ZNF225: variants seen among roughly 807,000 people sequenced by gnomAD.
ZNF225 encodes zinc finger protein 225.
Under a neutral mutation model 12.0 loss-of-function variants are expected in ZNF225, and 6 were observed. The observed-to-expected ratio is 0.50, with a 90% CI of 0.27 to 0.98. The LOEUF is 0.98. ZNF225 is among the 50% of genes least tolerant of loss of function. The probability of loss-of-function intolerance (pLI) is 0.11; values close to 1 mark genes in which losing one functional copy is unlikely to be tolerated. For synonymous variants in ZNF225, 271 were observed against 283.2 expected (o/e 0.96, Z 0.43); for missense variants, 763 against 848.2 (o/e 0.90, Z 1.25).
At position 44,132,921 on chromosome 19, in the gene ZNF225, A is replaced by T. The variant is rs184415770; in HGVS notation, c.*186A>T. The T allele has an allele frequency of 1.8e-3, 978 of 547,750 alleles. 3 individuals carry two copies. The highest frequency in any genetic ancestry group is 2.3e-3 in the Non-Finnish European group (756 of 327,956). The allele number at this position is 547,750 out of a possible 1,614,324, so 33.9% of individuals were successfully genotyped here. On this transcript the variant is annotated 3_prime_UTR_variant, in exon 5 of 5. Transcript: ENST00000262894. ...ACGTTGTTAATTACTGTCACCCTGT[A>T]GTGGTGTAAAACACTAGAACTTATT...
chr19:44,114,654 G>A (rs933755829), intron 1 of ZNF225, among the ~76,000 whole-genome samples: 10 of 152,142 alleles, frequency 6.6e-5, no homozygotes, highest in African/African-American at 2.4e-4. Flanking sequence ...GGGATTACAG[G>A]TGCCTGCCAC....
chr19:44,118,169 C>A lies in ZNF225; in HGVS notation c.16-19C>A. 6.2e-7 allele frequency: 1 copy of A among 1,604,942 alleles called. No individual in the cohort carries two copies. The highest frequency in any genetic ancestry group is 8.5e-7 in the Non-Finnish European group (1 of 1,175,834). On this transcript the variant is annotated intron_variant, in intron 2 of 4. Transcript: ENST00000262894. ...GTCATTGGTCATGAGACTGAGGTTG[C>A]ATATGTTCGATGCTGTAGGAGGCAG...
At chr19:44,113,782 TCTC>T (rs1213984624) in intron 1 of ZNF225, among the ~76,000 whole-genome samples, 3 of 152,090 alleles carry the variant, frequency 2.0e-5, no homozygotes, top group Admixed American at 2.0e-4. Flanking sequence ...TGTTACTTAA[TCTC>T]CTTGGGTCTC....
At chr19:44,127,548 T>G (rs1968173542) in intron 4 of ZNF225, among the ~76,000 whole-genome samples, 1 of 152,248 alleles carries the variant, frequency 6.6e-6, no homozygotes, top group Non-Finnish European at 1.5e-5. Flanking sequence ...AATCTAGTCC[T>G]GCCTTCCGTC....
chr19:44,118,613 T>C (rs1348865307), intron 4 of ZNF225, 39 bp downstream of exon 4: 1 of 1,581,296 alleles, frequency 6.3e-7, no homozygotes, highest in Non-Finnish European at 8.7e-7. Flanking sequence ...TGCGTGACTC[T>C]CCCATCGGTT....
chr19:44,131,041 G>A lies in ZNF225; in HGVS notation c.427G>A (p.Val143Ile), dbSNP rs768705484. ...TGATGCAGGACTATCTATAATTCAC[G>A]TAAGACAGAAACCTTCTGAGGGTAG... ...QVDAGLSIIH[V>I]RQKPSEGRTC... The change falls in exon 5 of 5, where the codon GTA becomes ATA. Residue 143 changes from valine (V) to isoleucine (I), a missense_variant. Val to Ile is a conservative substitution (Grantham distance 29). Coordinates refer to ENST00000262894, the MANE Select transcript of ZNF225 (RefSeq NM_013362.4). 56 of 1,613,926 alleles carry A rather than the reference G, an allele frequency of 3.5e-5. No homozygotes were observed. The highest frequency in any genetic ancestry group is 4.5e-5 in the East Asian group (2 of 44,884).
At position 44,113,555 on chromosome 19, in the gene ZNF225, C is replaced by T. The variant is rs1051057687; in HGVS notation, c.-83C>T. 6.6e-6 allele frequency: 1 copy of T among 152,178 alleles called. No individual in the cohort carries two copies. The highest frequency in any genetic ancestry group is 1.5e-5 in the Non-Finnish European group (1 of 68,074). 9.4% of individuals were successfully genotyped at this position (152,178 alleles called of 1,614,324 possible). A position where few individuals can be genotyped will look rare whatever the true frequency, so the allele number is the denominator to read the frequency against. On this transcript the variant is annotated 5_prime_UTR_variant, in exon 1 of 5. Coordinates refer to ENST00000262894, the MANE Select transcript of ZNF225 (RefSeq NM_013362.4). Reference sequence around the variant, plus strand: ...GATCGAATTAGGGGAAAAGAAACCTCGTCGGAGAGCAGAGGTTTGGCGGAG... The same window carrying T: ...GATCGAATTAGGGGAAAAGAAACCTTGTCGGAGAGCAGAGGTTTGGCGGAG...
chr19:44,114,055 G>GT, intron 1 of ZNF225: 2 of 392,090 alleles, frequency 5.1e-6, no homozygotes, highest in Admixed American at 8.1e-5. Context: ...TTAGGAAGGC[G>GT]AGGGTTGCAT....
At chr19:44,114,914 G>T (rs1256393110) in intron 1 of ZNF225, among the ~76,000 whole-genome samples, 1 of 152,060 alleles carries the variant, frequency 6.6e-6, no homozygotes, top group Non-Finnish European at 1.5e-5. Context: ...ATGTTTGTCA[G>T]ATTTCCGCAT....
intron 4 of ZNF225, among the ~76,000 whole-genome samples, chr19:44,124,552 A>C (rs932769563): frequency 1.3e-5 from 2 of 151,976 alleles, no homozygotes; most frequent in African/African-American, 4.8e-5. Context: ...ACATAGTTTA[A>C]ATTCTTTGTT....
upstream of ZNF225, among the ~76,000 whole-genome samples, chr19:44,111,518 T>C (rs887802463): frequency 6.6e-6 from 1 of 152,230 alleles, no homozygotes; most frequent in Non-Finnish European, 1.5e-5. Context: ...GTAGCAACAC[T>C]GTTCACTACA....
At chr19:44,116,759 TATG>T (rs1262702545) in intron 2 of ZNF225, among the ~76,000 whole-genome samples, 1 of 152,194 alleles carries the variant, frequency 6.6e-6, no homozygotes, top group Non-Finnish European at 1.5e-5. Flanking sequence ...TTCTTCCTAA[TATG>T]ATTACAAAAA....
intron 4 of ZNF225, among the ~76,000 whole-genome samples, chr19:44,127,511 C>G (rs529387517): frequency 6.6e-6 from 1 of 152,116 alleles, no homozygotes; most frequent in Non-Finnish European, 1.5e-5. Flanking sequence ...CTCTGTATGC[C>G]GCACTGTCCG....
At position 44,132,458 on chromosome 19, in the gene ZNF225, AGAGG is replaced by A; in HGVS notation, c.1846_1849del (p.Arg616PhefsTer24). 6.2e-7 allele frequency: 1 copy of A among 1,614,192 alleles called. No individual in the cohort carries two copies. Among genetic ancestry groups the A allele is most frequent in the Non-Finnish European group, 8.5e-7 (1 of 1,180,018 alleles). Reference sequence around the variant, plus strand: ...GAGAATTCACAGCTTCATTCCCATCAGAGGGTTCACACTGGGGAAAAGCCATACA... The same window carrying A: ...GAGAATTCACAGCTTCATTCCCATCAGTTCACACTGGGGAAAAGCCATACA... On this transcript the variant is annotated frameshift_variant, in exon 5 of 5. Coordinates refer to ENST00000262894, the MANE Select transcript of ZNF225 (RefSeq NM_013362.4). LOFTEE classifies it low-confidence loss of function (END_TRUNC).
In ZNF225 at chr19:44,132,691, T is replaced by C; in HGVS notation, c.2077T>C (p.Leu693=). 3.1e-6 allele frequency: 5 copies of C among 1,608,710 alleles called. No homozygotes were observed. The highest frequency in any genetic ancestry group is 2.5e-6 in the Non-Finnish European group (3 of 1,178,480). The part of the protein sequence containing the change: ...EDCGKRYKRR[L]NLDTLLSLFL... ...CTGTGGGAAGCGCTACAAGAGGCGC[T>C]TGAATCTTGATACGCTTTTGTCATT... The change falls in exon 5 of 5, where the codon TTG becomes CTG. Residue 693 remains leucine, a synonymous_variant. Transcript: ENST00000262894.
At chr19:44,115,953 C>T (rs966944510) in intron 2 of ZNF225, 111 bp downstream of exon 2, 21 of 1,098,182 alleles carry the variant, frequency 1.9e-5, no homozygotes, top group South Asian at 1.2e-4. Context: ...CCTCCACCTC[C>T]GGAGTTCAAG....
intron 4 of ZNF225, among the ~76,000 whole-genome samples, chr19:44,125,788 C>G (rs1375137248): frequency 6.6e-6 from 1 of 152,142 alleles, no homozygotes; most frequent in Non-Finnish European, 1.5e-5. Flanking sequence ...AACTTGTCTT[C>G]AAGCTCTGAA....
intron 4 of ZNF225, among the ~76,000 whole-genome samples, chr19:44,122,407 G>C (rs1158919661): frequency 6.6e-6 from 1 of 152,164 alleles, no homozygotes. Flanking sequence ...TGGTCTTATA[G>C]TATAGTTTGA....
At chr19:44,125,500 T>C in intron 4 of ZNF225, among the ~76,000 whole-genome samples, 1 of 152,256 alleles carries the variant, frequency 6.6e-6, no homozygotes, top group East Asian at 1.9e-4. Flanking sequence ...GATAACCTGA[T>C]GACAATGTGC....
Sources: allele counts gnomAD v4.1 joint callset (sites outside exome capture counted in the v4.1 genomes callset), GRCh38; gene constraint gnomAD v4.1.1; transcripts MANE v1.5; gene names NCBI Gene and HGNC (gene_info 2026-07-23, HGNC 2026-07-21).